FAM83E: variants seen among roughly 807,000 people sequenced by gnomAD.
FAM83E encodes protein FAM83E.
A neutral mutation model predicts 34.3 loss-of-function variants in FAM83E; 29 were observed. That is an observed-to-expected ratio of 0.85 (90% CI 0.63 to 1.15). The LOEUF (loss-of-function observed/expected upper bound fraction) is 1.15, where lower values mean the gene tolerates loss of function less well. Among genes scored for constraint, FAM83E ranks in the 50% most tolerant of loss-of-function variants. The pLI is 0.00. For missense variants in FAM83E, 697 were observed against 685.0 expected, an observed-to-expected ratio of 1.02 and a Z score of -0.20; for synonymous variants, 312 against 311.6, an observed-to-expected ratio of 1.00 and a Z score of -0.01.
At position 48,610,775 on chromosome 19, in the gene FAM83E, G is replaced by A. The variant is rs368924766; in HGVS notation, c.538C>T (p.Arg180Cys). 91 of 1,589,046 alleles carry A rather than the reference G, an allele frequency of 5.7e-5. No individual in the cohort carries two copies. Among genetic ancestry groups the A allele is most frequent in the South Asian group, 8.0e-5 (7 of 87,328 alleles). Residue 180 changes from arginine (R) to cysteine (C), a missense_variant, in exon 4 of 7, where the codon CGC (arginine) becomes TGC (cysteine). Coordinates refer to ENST00000263266, the MANE Select transcript of FAM83E (RefSeq NM_017708.4). Reference protein sequence around the residue: ...LLDLVDAATRRWVPVYLLLDR... With the variant: ...LLDLVDAATRCWVPVYLLLDR... ...AGGAGCAGGTAGACAGGTACCCAGCGGCGCGTGGCAGCATCCACCAAGTCC... is the reference window on the plus strand; with the variant it reads ...AGGAGCAGGTAGACAGGTACCCAGCAGCGCGTGGCAGCATCCACCAAGTCC...
intron 6 of FAM83E, among the ~76,000 whole-genome samples, chr19:48,603,177 C>A (rs886579993): frequency 6.6e-6 from 1 of 152,064 alleles, no homozygotes; most frequent in Admixed American, 6.6e-5. Flanking sequence ...TGCCCTTGCT[C>A]TGCTCCTTCC....
At position 48,611,177 on chromosome 19, in the gene FAM83E, T is replaced by G. The variant is rs572342365; in HGVS notation, c.466-330A>C. Among the ~76,000 whole-genome samples, 330 of 151,680 alleles carry G rather than the reference T, an allele frequency of 2.2e-3. 8 individuals carry two copies. The East Asian group carries it at 0.034, about 16-fold the overall frequency. On this transcript the variant is annotated intron_variant, in intron 3 of 6. Coordinates refer to ENST00000263266, the MANE Select transcript of FAM83E (RefSeq NM_017708.4). The stretch of plus-strand genomic sequence containing the variant: ...TTGTTGTTGTTGTTTTTTGTTGTTT[T>G]TTTTTTTTTGAGACGGAGTCTCACT...
intron 5 of FAM83E, among the ~76,000 whole-genome samples, chr19:48,606,000 G>A (rs533553144): frequency 6.6e-6 from 1 of 152,068 alleles, no homozygotes; most frequent in South Asian, 2.1e-4. Flanking sequence ...TGTCATCACA[G>A]TAGTTGTTAT....
At position 48,603,627 on chromosome 19, in the gene FAM83E, G is replaced by T; in HGVS notation, c.1043C>A (p.Pro348Gln). 2.1e-6 allele frequency: 3 copies of T among 1,409,252 alleles called. No individual in the cohort carries two copies. Among genetic ancestry groups the T allele is most frequent in the Non-Finnish European group, 1.8e-6 (2 of 1,081,328 alleles). 87.3% of individuals were successfully genotyped at this position (1,409,252 alleles called of 1,614,324 possible). A position where few individuals can be genotyped will look rare whatever the true frequency, so the allele number is the denominator to read the frequency against. Residue 348 changes from proline (P) to glutamine (Q), a missense_variant, in exon 6 of 7, where the codon CCG becomes CAG. Transcript: ENST00000263266. Reference sequence around the variant, plus strand: ...ACTCCTTAGAATGTCACTGAGTGCCGGCCCCGGGGTAGCAGGGGAGACGCG... The same window carrying T: ...ACTCCTTAGAATGTCACTGAGTGCCTGCCCCGGGGTAGCAGGGGAGACGCG... ...ACRVSPATPG[P>Q]ALSDILRSVQ...
chr19:48,612,410 T>C (rs577799243), intron 3 of FAM83E, among the ~76,000 whole-genome samples: 25 of 150,506 alleles, frequency 1.7e-4, no homozygotes, highest in African/African-American at 4.6e-4. Flanking sequence ...TTCTTTCTTT[T>C]TTTTTTTTTA....
chr19:48,607,082 C>T (rs1973944893), intron 5 of FAM83E: 1 of 1,613,170 alleles, frequency 6.2e-7, no homozygotes, highest in Admixed American at 1.7e-5. Flanking sequence ...ATGCAGTGTC[C>T]TGGTACCTAC....
Position 48,605,011 on chromosome 19 carries a change from C to T in FAM83E, c.759-1100G>A, listed in dbSNP as rs1490339599. On this transcript the variant is annotated intron_variant, in intron 5 of 6. Coordinates refer to ENST00000263266, the MANE Select transcript of FAM83E (RefSeq NM_017708.4). ...CTCCAACCTGGGCGACAGAGCGAGA[C>T]TCTGACTCAAAAAAAAAAAAAAAAA... is the stretch of plus-strand genomic sequence containing the variant. 3.2e-5 allele frequency among the ~76,000 whole-genome samples: 4 copies of T among 124,226 alleles called. No homozygotes were observed. The Admixed American group carries it at 3.3e-4, about 10-fold the overall frequency. The allele number at this position is 124,226 out of a possible 152,430, so 81.5% of individuals were successfully genotyped here. A position where few individuals can be genotyped will look rare whatever the true frequency, so the allele number is the denominator to read the frequency against.
intron 5 of FAM83E, 89 bp downstream of exon 5, chr19:48,609,787 G>A: frequency 7.0e-7 from 1 of 1,424,362 alleles, no homozygotes; most frequent in Non-Finnish European, 9.7e-7. Context: ...GAGAGGCCTG[G>A]GCAAGGGGAT....
intron 4 of FAM83E, among the ~76,000 whole-genome samples, chr19:48,610,398 CAAAAAAAAAA>C (rs71179016): frequency 6.4e-5 from 2 of 31,334 alleles, no homozygotes; most frequent in South Asian, 1.7e-3. Context: ...CACTCCGTCT[CAAAAAAAAAA>C]AAAAAAAAAA....
rs1425383081 is a variant in FAM83E, at chr19:48,613,335, T to G, written c.38A>C (p.Asp13Ala). 6.3e-7 allele frequency: 1 copy of G among 1,585,914 alleles called. No individual in the cohort carries two copies. The highest frequency in any genetic ancestry group is 8.6e-7 in the Non-Finnish European group (1 of 1,167,348). The change falls in exon 3 of 7, where the codon GAC becomes GCC. Residue 13 changes from aspartate to alanine, a missense_variant. By Grantham distance (126) the Asp-to-Ala change is moderately radical. Coordinates refer to ENST00000263266, the MANE Select transcript of FAM83E (RefSeq NM_017708.4). ...GGCCCCGGGCACCCTGGGACCGGAG[T>G]CCACTCCTTCCAGCGCCGCCAGCTG... is the stretch of plus-strand genomic sequence containing the variant. ...ASQLAALEGV[D>A]SGPRVPGASP...
At chr19:48,604,293 C>T (rs975146297) in intron 5 of FAM83E, among the ~76,000 whole-genome samples, 1 of 149,094 alleles carries the variant, frequency 6.7e-6, no homozygotes, top group African/African-American at 2.5e-5. Flanking sequence ...ACTTGGGAGA[C>T]TGAGGCGGGA....
At chr19:48,606,472 T>C (rs1278869400) in intron 5 of FAM83E, among the ~76,000 whole-genome samples, 2 of 152,190 alleles carry the variant, frequency 1.3e-5, no homozygotes, top group Non-Finnish European at 2.9e-5. Flanking sequence ...AGCCTTAGTT[T>C]ACCCATCTGG....
Position 48,603,786 on chromosome 19 carries a change from G to T in FAM83E, c.884C>A (p.Pro295His), listed in dbSNP as rs540259397. ...YAASCPLPPAPPQKPSVIGGL... is the reference protein window; with the variant it reads ...YAASCPLPPAHPQKPSVIGGL... Reference sequence around the variant, plus strand: ...ACCTATGACCGAGGGTTTCTGGGGGGGCGCAGGTGGGAGCGGGCAGGAGGC... The same window carrying T: ...ACCTATGACCGAGGGTTTCTGGGGGTGCGCAGGTGGGAGCGGGCAGGAGGC... Residue 295 changes from proline (P) to histidine (H), a missense_variant, in exon 6 of 7, where the codon CCC (proline) becomes CAC (histidine). By Grantham distance (77) the Pro-to-His change is moderately conservative. Transcript: ENST00000263266. The T allele has an allele frequency of 6.3e-7, 1 of 1,592,284 alleles. No individual in the cohort carries two copies. The highest frequency in any genetic ancestry group is 1.1e-5 in the South Asian group (1 of 88,466).
At chr19:48,612,730 G>A (rs1440279654) in intron 3 of FAM83E, among the ~76,000 whole-genome samples, 178 bp downstream of exon 3, 1 of 152,118 alleles carries the variant, frequency 6.6e-6, no homozygotes, top group Non-Finnish European at 1.5e-5. Context: ...GTAAGGATGA[G>A]GTCTGGGGTT....
intron 3 of FAM83E, among the ~76,000 whole-genome samples, chr19:48,611,152 T>C (rs184503680): frequency 0.012 from 1,805 of 151,418 alleles, 45 homozygotes; most frequent in African/African-American, 0.041. Flanking sequence ...TGTGTTTTTG[T>C]TGTTGTTGTT....
At position 48,613,467 on chromosome 19, in the gene FAM83E, A is replaced by G; in HGVS notation, c.-95T>C. On this transcript the variant is annotated 5_prime_UTR_variant, in exon 3 of 7. Coordinates refer to ENST00000263266, the MANE Select transcript of FAM83E (RefSeq NM_017708.4). ...CTGTGATCATCTGGGGGTTCTCCTG[A>G]TAGGCAGACCCTACGTGGCCATCCG... The G allele has an allele frequency of 7.0e-7, 1 of 1,437,256 alleles. No individual in the cohort carries two copies. The highest frequency in any genetic ancestry group is 9.1e-7 in the Non-Finnish European group (1 of 1,099,556). The allele number at this position is 1,437,256 out of a possible 1,614,324, so 89.0% of individuals were successfully genotyped here.
chr19:48,609,265 C>CTTTTTTTTTTTTT (rs869031073), intron 5 of FAM83E, among the ~76,000 whole-genome samples: 182 of 99,698 alleles, frequency 1.8e-3, no homozygotes, highest in Middle Eastern at 8.3e-3. Context: ...TTCTTTCTTT[C>CTTTTTTTTTTTTT]TTTTTTTTTT....
At chr19:48,602,324 G>C (rs2147638121) in intron 6 of FAM83E, among the ~76,000 whole-genome samples, 1 of 151,194 alleles carries the variant, frequency 6.6e-6, no homozygotes, top group South Asian at 2.1e-4. Context: ...GCAGCAGCAG[G>C]AGGAGGGACA....
chr19:48,602,426 A>T (rs1281983352), intron 6 of FAM83E, among the ~76,000 whole-genome samples: 1 of 150,318 alleles, frequency 6.7e-6, no homozygotes, highest in Non-Finnish European at 1.5e-5. Flanking sequence ...CAAACCTGGG[A>T]CCCCCTAACC....
Sources: gnomAD v4.1 joint callset for allele counts (sites outside exome capture counted in the v4.1 genomes callset) on GRCh38, gnomAD v4.1.1 for gene constraint, MANE v1.5 for transcripts, NCBI Gene and HGNC (gene_info 2026-07-23, HGNC 2026-07-21) for gene names.